The following C6orf89 variants were observed in gnomAD, a reference collection of about 807,000 sequenced individuals.
C6orf89 encodes the protein bombesin receptor-activated protein C6orf89.
Under a neutral mutation model 40.7 loss-of-function variants are expected in C6orf89, and 29 were observed. The observed-to-expected ratio is 0.71, with a 90% CI of 0.53 to 0.97. The LOEUF (loss-of-function observed/expected upper bound fraction) is 0.97. C6orf89 is among the 50% of genes least tolerant of loss of function. The pLI is 0.00. For synonymous variants in C6orf89, 165 were observed against 152.2 expected, an observed-to-expected ratio of 1.08 and a Z score of -0.62; for missense variants, 392 against 429.1, an observed-to-expected ratio of 0.91 and a Z score of 0.76.
intron 8 of C6orf89, among the ~76,000 whole-genome samples, chr6:36,921,409 A>C (rs937473451): frequency 6.6e-6 from 1 of 152,146 alleles, no homozygotes; most frequent in Non-Finnish European, 1.5e-5. Context: ...GCACCATGAC[A>C]TGCAAGTTCT....
At chr6:36,901,312 A>ATTTTTTTT (rs1554136270) in intron 3 of C6orf89, among the ~76,000 whole-genome samples, 1 of 64,658 alleles carries the variant, frequency 1.5e-5, no homozygotes, top group Admixed American at 1.7e-4. Context: ...TATTATTATT[A>ATTTTTTTT]TTATTATTAT....
chr6:36,914,509 A>G, intron 5 of C6orf89, 45 bp from the exon 6 acceptor site: 1 of 1,611,948 alleles, frequency 6.2e-7, no homozygotes, highest in South Asian at 1.1e-5. Flanking sequence ...GAAATTTCTG[A>G]CAAGTAACTC....
At chr6:36,910,571 T>C (rs975786592) in intron 4 of C6orf89, among the ~76,000 whole-genome samples, 1 of 151,950 alleles carries the variant, frequency 6.6e-6, no homozygotes, top group Non-Finnish European at 1.5e-5. Context: ...CTTCCAAAAA[T>C]ACAAAAATTA....
At chr6:36,887,980 C>T (rs1775058348) in intron 1 of C6orf89, among the ~76,000 whole-genome samples, 1 of 152,206 alleles carries the variant, frequency 6.6e-6, no homozygotes, top group African/African-American at 2.4e-5. Flanking sequence ...CCACCTCAGC[C>T]TCCCAGTGTT....
chr6:36,873,431 A>G (rs1383923205), intron 1 of C6orf89, among the ~76,000 whole-genome samples: 1 of 152,218 alleles, frequency 6.6e-6, no homozygotes, highest in African/African-American at 2.4e-5. Context: ...ACATACATAC[A>G]GTATGATCAT....
chr6:36,918,350 C>T lies in C6orf89; in HGVS notation c.826-1228C>T, dbSNP rs1379370116. On this transcript the variant is annotated intron_variant, in intron 7 of 8. Transcript: ENST00000480824. ...AGGGATACAGCCACTTGTTTTGGTC[C>T]TTCTGAGATTGTTTTGAGGACTACA... Among the ~76,000 whole-genome samples, 19 of 152,250 alleles carry T rather than the reference C, an allele frequency of 1.2e-4. 1 individual carries two copies. The highest frequency in any genetic ancestry group is 1.0e-4 in the Non-Finnish European group (7 of 68,052).
rs188890946 is a variant in C6orf89, at chr6:36,921,896, C to T, written c.950-1451C>T. Among the ~76,000 whole-genome samples the T allele has an allele frequency of 5.9e-3, 902 of 151,726 alleles. 2 individuals carry two copies. Among genetic ancestry groups the T allele is most frequent in the African/African-American group, 0.012 (480 of 41,362 alleles). On this transcript the variant is annotated intron_variant, in intron 8 of 8. Transcript: ENST00000480824. ...TTACAAAATTAGCCAGGCGTGGTGG[C>T]ACACGCCTGTAGTTCCAGCTACTCA...
intron 1 of C6orf89, among the ~76,000 whole-genome samples, chr6:36,872,999 G>A (rs1774550364): frequency 6.6e-6 from 1 of 152,220 alleles, no homozygotes; most frequent in Non-Finnish European, 1.5e-5. Context: ...GAGTGTGCTA[G>A]AAAATAGCTA....
chr6:36,897,520 G>T lies in C6orf89; in HGVS notation c.-19-1906G>T, dbSNP rs539046286. On this transcript the variant is annotated intron_variant, in intron 2 of 8. Transcript: ENST00000480824. ...GTACTGTCTTTTTATCTGAATGTGG[G>T]GGGTATAGTGTGGTGGGCTCTTCTC... Among the ~76,000 whole-genome samples, 3 of 152,304 alleles carry T rather than the reference G, an allele frequency of 2.0e-5. No individual in the cohort carries two copies. In the East Asian group the frequency reaches 5.8e-4, roughly 29 times the overall value.
At chr6:36,891,527 G>A (rs1761209858) in intron 1 of C6orf89, among the ~76,000 whole-genome samples, 1 of 152,184 alleles carries the variant, frequency 6.6e-6, no homozygotes, top group Admixed American at 6.5e-5. Flanking sequence ...GGATGGCTGG[G>A]TCAAATGGTA....
chr6:36,921,418 C>A lies in C6orf89; in HGVS notation c.949+1717C>A, dbSNP rs374803137. Among the ~76,000 whole-genome samples the A allele has an allele frequency of 2.6e-5, 4 of 152,224 alleles. No homozygotes were observed. The East Asian group carries it at 5.8e-4, about 22-fold the overall frequency. On this transcript the variant is annotated intron_variant, in intron 8 of 8. Transcript: ENST00000480824. ...AGAATGGCACCATGACATGCAAGTTCTATGATTTTTGACAAAATGTACATT... is the reference window on the plus strand; with the variant it reads ...AGAATGGCACCATGACATGCAAGTTATATGATTTTTGACAAAATGTACATT...
At chr6:36,915,013 G>T (rs560287672) in intron 6 of C6orf89, among the ~76,000 whole-genome samples, 1 of 152,188 alleles carries the variant, frequency 6.6e-6, no homozygotes, top group Admixed American at 6.5e-5. Flanking sequence ...GGCTATGGGG[G>T]CACTTAGCGT....
chr6:36,906,218 A>G (rs952634993), intron 4 of C6orf89, among the ~76,000 whole-genome samples: 9 of 152,354 alleles, frequency 5.9e-5, no homozygotes, highest in South Asian at 2.1e-4. Flanking sequence ...CTAAGAATCT[A>G]GTAAGACTTA....
In C6orf89 at chr6:36,925,662, A is replaced by C. The variant is rs187556997; in HGVS notation, c.*2221A>C. Reference sequence around the variant, plus strand: ...TTTCTACATACACAGAAGCAGTTCAACTTCTCAAGTTAATTTTGATAAGCA... The same window carrying C: ...TTTCTACATACACAGAAGCAGTTCACCTTCTCAAGTTAATTTTGATAAGCA... On this transcript the variant is annotated 3_prime_UTR_variant, in exon 9 of 9. Coordinates refer to ENST00000480824, the MANE Select transcript of C6orf89 (RefSeq NM_001286635.2). 14 of 152,352 alleles carry C rather than the reference A, an allele frequency of 9.2e-5. No homozygotes were observed. The East Asian group carries it at 2.7e-3, about 29-fold the overall frequency. 9.4% of individuals were successfully genotyped at this position (152,352 alleles called of 1,614,324 possible). A position where few individuals can be genotyped will look rare whatever the true frequency, so the allele number is the denominator to read the frequency against.
intron 3 of C6orf89, among the ~76,000 whole-genome samples, chr6:36,901,372 T>A (rs1437677596): frequency 3.7e-5 from 5 of 135,650 alleles, no homozygotes; most frequent in African/African-American, 1.1e-4. Context: ...TCTCACTCTG[T>A]TGCCCAGGCT....
chr6:36,913,544 A>G (rs1048756392), intron 4 of C6orf89, among the ~76,000 whole-genome samples: 5 of 152,108 alleles, frequency 3.3e-5, no homozygotes, highest in African/African-American at 1.2e-4. Flanking sequence ...GCACAGCGAT[A>G]ATAGGGGTCA....
At chr6:36,883,349 T>G (rs1282041813), upstream of C6orf89, 1 of 152,148 alleles carries the variant, frequency 6.6e-6, no homozygotes, top group Non-Finnish European at 1.5e-5. Context: ...TTGGAACCCT[T>G]AAGGTAAAAC....
intron 3 of C6orf89, 105 bp downstream of exon 3, chr6:36,899,738 T>C: frequency 2.6e-6 from 3 of 1,146,724 alleles, no homozygotes; most frequent in East Asian, 5.1e-5. Context: ...CATTGGTTTT[T>C]CCGTGAATAA....
At chr6:36,885,471 C>G (rs565744078), upstream of C6orf89, among the ~76,000 whole-genome samples, 1 of 152,162 alleles carries the variant, frequency 6.6e-6, no homozygotes, top group Non-Finnish European at 1.5e-5. Context: ...ATACTTAATT[C>G]GGCTTAAGTT....
Sources: allele counts gnomAD v4.1 joint callset (sites outside exome capture counted in the v4.1 genomes callset), GRCh38; gene constraint gnomAD v4.1.1; transcripts MANE v1.5; gene names NCBI Gene and HGNC (gene_info 2026-07-23, HGNC 2026-07-21).